Variants in CENPE observed in about 807,000 individuals in gnomAD.
CENPE encodes centromere protein E, also known as centromere-associated protein E.
A neutral mutation model predicts 336.1 loss-of-function variants in CENPE; 145 were observed. That is an observed-to-expected ratio of 0.43 (90% confidence interval 0.38 to 0.50). CENPE has a LOEUF of 0.50. Among genes scored for constraint, CENPE ranks in the 20% least tolerant of loss-of-function variants. The probability of loss-of-function intolerance (pLI) is 0.00; values close to 1 mark genes in which losing one functional copy is unlikely to be tolerated. For synonymous variants in CENPE, 1,013 were observed against 984.8 expected, an observed-to-expected ratio of 1.03 and a Z score of -0.54; for missense variants, 2,719 against 3,023.3, an observed-to-expected ratio of 0.90 and a Z score of 2.36.
chr4:103,159,439 T>G (rs1754244747), intron 21 of CENPE, 115 bp from the exon 22 acceptor site: 2 of 613,306 alleles, frequency 3.3e-6, no homozygotes, highest in South Asian at 2.8e-5. Flanking sequence ...CAGCAAAAAT[T>G]TGACTGTGGA....
chr4:103,170,946 T>C (rs1484443544), intron 16 of CENPE, among the ~76,000 whole-genome samples: 1 of 152,114 alleles, frequency 6.6e-6, no homozygotes, highest in Non-Finnish European at 1.5e-5. Context: ...ACAAGGTCAT[T>C]ACATAATGAT....
intron 14 of CENPE, among the ~76,000 whole-genome samples, chr4:103,176,575 T>C (rs55777543): frequency 0.16 from 24,199 of 152,080 alleles, 2,333 homozygotes; most frequent in Non-Finnish European, 0.2. Context: ...TTATTTATAT[T>C]TGTTTGAGAC....
Position 103,108,943 on chromosome 4 carries a change from G to C in CENPE, c.7871C>G (p.Ser2624Cys), listed in dbSNP as rs773603428. 6.2e-7 allele frequency: 1 copy of C among 1,613,872 alleles called. No individual in the cohort carries two copies. Among genetic ancestry groups the C allele is most frequent in the East Asian group, 2.2e-5 (1 of 44,836 alleles). The change falls in exon 48 of 49, where the codon TCT becomes TGT. Residue 2624 changes from serine (S) to cysteine (C), a missense_variant. This residue lies in a region of CENPE where 2,437 missense variants were observed against 2,513.3 expected (regional missense o/e 0.97). Coordinates refer to ENST00000265148, the MANE Select transcript of CENPE (RefSeq NM_001813.3). ...TASKKKQITP[S>C]QCKERNLQDP... ...TTGTAAATTCCGTTCCTTGCATTGA[G>C]AGGGTGTAATTTGTTTCTTTTTAGA...
At chr4:103,152,341 C>T (rs58648171) in intron 25 of CENPE, among the ~76,000 whole-genome samples, 28,714 of 151,980 alleles carry the variant, frequency 0.19, 2,819 homozygotes, top group South Asian at 0.31. Context: ...ATTAGAATGG[C>T]TAAAATTAAA....
chr4:103,169,255 AAAAAAGGATG>A (rs1755190475), intron 16 of CENPE, among the ~76,000 whole-genome samples: 1 of 152,172 alleles, frequency 6.6e-6, no homozygotes, highest in Non-Finnish European at 1.5e-5. Context: ...AGGCAAAAAA[AAAAAAGGATG>A]AAAAGGAATG....
intron 42 of CENPE, 148 bp downstream of exon 42, chr4:103,132,545 A>T (rs1751680440): frequency 2.3e-6 from 1 of 434,434 alleles, no homozygotes; most frequent in Non-Finnish European, 4.2e-6. Context: ...AGAATAATAC[A>T]TTAGAGGAAG....
chr4:103,127,349 A>T (rs562461183), intron 42 of CENPE, among the ~76,000 whole-genome samples: 1 of 152,138 alleles, frequency 6.6e-6, no homozygotes, highest in Non-Finnish European at 1.5e-5. Context: ...TTCCATGTAA[A>T]ATTATTCTTC....
At chr4:103,114,158 T>C (rs1749863398) in intron 46 of CENPE, among the ~76,000 whole-genome samples, 1 of 152,200 alleles carries the variant, frequency 6.6e-6, no homozygotes, top group South Asian at 2.1e-4. Context: ...CATGTTGATA[T>C]AGTATAAGTC....
chr4:103,145,893 A>T lies in CENPE; in HGVS notation c.4349T>A (p.Leu1450Gln). The change falls in exon 30 of 49, where the codon CTG becomes CAG. Residue 1450 changes from leucine (L) to glutamine (Q), a missense_variant. By Grantham distance (113) the Leu-to-Gln change is moderately radical (BLOSUM62 -2). Transcript: ENST00000265148. ...ACTTTCAGATTGAAGAACTTCTTGCAGCCTCTGTAGGTCATCTTTCTCCTT... is the reference window on the plus strand; with the variant it reads ...ACTTTCAGATTGAAGAACTTCTTGCTGCCTCTGTAGGTCATCTTTCTCCTT... ...VAKEKDDLQR[L>Q]QEVLQSESDQ... 1 of 1,613,684 alleles carries T rather than the reference A, an allele frequency of 6.2e-7. No individual in the cohort carries two copies. Among genetic ancestry groups the T allele is most frequent in the Non-Finnish European group, 8.5e-7 (1 of 1,179,872 alleles).
At chr4:103,127,434 G>T (rs1296594171) in intron 42 of CENPE, among the ~76,000 whole-genome samples, 1 of 152,060 alleles carries the variant, frequency 6.6e-6, no homozygotes, top group African/African-American at 2.4e-5. Context: ...GACTGGTCTT[G>T]CAAGAAATAT....
At chr4:103,140,648 C>A (rs1476043417) in intron 36 of CENPE, among the ~76,000 whole-genome samples, 166 bp downstream of exon 36, 1 of 151,800 alleles carries the variant, frequency 6.6e-6, no homozygotes, top group Non-Finnish European at 1.5e-5. Flanking sequence ...AAAAAGAATA[C>A]CCCATTCTTA....
At position 103,114,549 on chromosome 4, in the gene CENPE, G is replaced by C; in HGVS notation, c.7446C>G (p.Ile2482Met). 6.3e-7 allele frequency: 1 copy of C among 1,583,164 alleles called. No individual in the cohort carries two copies. Among genetic ancestry groups the C allele is most frequent in the Non-Finnish European group, 8.7e-7 (1 of 1,155,952 alleles). ...ATTCTACAGTGGCTTTTGTAGCACT[G>C]ATTCTAACAAAAACAATAAAAATAT... The part of the protein sequence containing the change: ...MKNAKEFEKE[I>M]SATKATVEYQ... Residue 2482 changes from isoleucine (I) to methionine (M), a missense_variant, in exon 46 of 49, where the codon ATC becomes ATG. Ile to Met is a conservative substitution (Grantham distance 10, BLOSUM62 1). Around this residue, in one of 5 missense-constraint regions of CENPE, gnomAD observed 2,437 missense variants for 2,513.3 expected, o/e 0.97. Transcript: ENST00000265148.
At position 103,140,033 on chromosome 4, in the gene CENPE, T is replaced by G. The variant is rs1263772970; in HGVS notation, c.5960A>C (p.Glu1987Ala). 1 of 1,612,050 alleles carries G rather than the reference T, an allele frequency of 6.2e-7. No individual in the cohort carries two copies. Among genetic ancestry groups the G allele is most frequent in the Non-Finnish European group, 8.5e-7 (1 of 1,179,074 alleles). Residue 1987 changes from glutamate (E) to alanine (A), a missense_variant, in exon 38 of 49, where the codon GAA becomes GCA. Coordinates refer to ENST00000265148, the MANE Select transcript of CENPE (RefSeq NM_001813.3). Reference protein sequence around the residue: ...KKELQLLRVKEDVNMSHKKIN... With the variant: ...KKELQLLRVKADVNMSHKKIN... ...TTTTTTATGACTCATATTGACATCT[T>G]CTTTCACTCTAAGCAGTTGAAGTTC...
intron 44 of CENPE, among the ~76,000 whole-genome samples, chr4:103,117,595 G>A (rs1214059154): frequency 1.5e-5 from 2 of 131,104 alleles, no homozygotes; most frequent in Non-Finnish European, 3.3e-5. Flanking sequence ...TAACCAATGT[G>A]TATTAAAAGT....
chr4:103,166,397 T>C (rs914830376), intron 16 of CENPE, among the ~76,000 whole-genome samples: 2 of 152,224 alleles, frequency 1.3e-5, no homozygotes, highest in African/African-American at 2.4e-5. Flanking sequence ...GTCCCTTCCA[T>C]AAAACCTAGT....
chr4:103,146,113 G>C lies in CENPE; in HGVS notation c.4135-6C>G. The C allele has an allele frequency of 1.2e-6, 2 of 1,610,394 alleles. No individual in the cohort carries two copies. The highest frequency in any genetic ancestry group is 1.7e-6 in the Non-Finnish European group (2 of 1,178,780). Reference sequence around the variant, plus strand: ...TTGCTTTGAGACTCCTGGATCTTAAGAGAATCATAAAACAGTACAGTTGAT... The same window carrying C: ...TTGCTTTGAGACTCCTGGATCTTAACAGAATCATAAAACAGTACAGTTGAT... On this transcript the variant is annotated splice_region_variant and splice_polypyrimidine_tract_variant and intron_variant, in intron 29 of 48. Coordinates refer to ENST00000265148, the MANE Select transcript of CENPE (RefSeq NM_001813.3).
intron 8 of CENPE, among the ~76,000 whole-genome samples, chr4:103,192,614 A>C (rs778632483): frequency 2.0e-5 from 3 of 152,110 alleles, no homozygotes; most frequent in Non-Finnish European, 4.4e-5. Flanking sequence ...ACAAGTGGAC[A>C]AAGAGAAAGG....
At chr4:103,135,999 T>C in intron 40 of CENPE, 142 bp downstream of exon 40, 1 of 682,822 alleles carries the variant, frequency 1.5e-6, no homozygotes, top group Non-Finnish European at 2.5e-6. Flanking sequence ...ATCCTACATA[T>C]TACTATGCTC....
intron 9 of CENPE, among the ~76,000 whole-genome samples, chr4:103,184,346 T>G (rs1384437667): frequency 6.6e-6 from 1 of 152,206 alleles, no homozygotes; most frequent in Non-Finnish European, 1.5e-5. Flanking sequence ...GCTAAACCAT[T>G]TAAGCATTAT....
Sources: allele counts gnomAD v4.1 joint callset (sites outside exome capture counted in the v4.1 genomes callset), GRCh38; gene constraint gnomAD v4.1.1; regional missense constraint gnomAD v4.1.1; transcripts MANE v1.5; gene names NCBI Gene and HGNC (gene_info 2026-07-23, HGNC 2026-07-21).